HAUS6: variants seen among roughly 807,000 people sequenced by gnomAD.
HAUS6 encodes the protein HAUS augmin like complex subunit 6, also known as HAUS augmin-like complex subunit 6.
A neutral mutation model predicts 106.8 loss-of-function variants in HAUS6; 80 were observed. That is an observed-to-expected ratio of 0.75 (90% CI 0.63 to 0.90). The LOEUF is 0.90. HAUS6 is among the 40% of genes least tolerant of loss of function. The probability of loss-of-function intolerance (pLI) is 0.00; values close to 1 mark genes in which losing one functional copy is unlikely to be tolerated. For synonymous variants in HAUS6, 356 were observed against 379.1 expected (o/e 0.94, Z 0.71); for missense variants, 1,155 against 1,118.1 (o/e 1.03, Z -0.47).
intron 8 of HAUS6, among the ~76,000 whole-genome samples, chr9:19,081,296 G>C (rs954414640): frequency 6.6e-6 from 1 of 152,154 alleles, no homozygotes; most frequent in Non-Finnish European, 1.5e-5. Flanking sequence ...AGCAGGTTTA[G>C]TGAAAAGACC....
At chr9:19,096,807 A>C in intron 1 of HAUS6, 38 bp from the exon 2 acceptor site, 3 of 947,952 alleles carry the variant, frequency 3.2e-6, no homozygotes, top group Non-Finnish European at 4.9e-6. Flanking sequence ...GAAAAAGAAA[A>C]AGGTTAATAA....
chr9:19,066,207 A>T (rs985435122), intron 12 of HAUS6, among the ~76,000 whole-genome samples: 12 of 152,146 alleles, frequency 7.9e-5, no homozygotes, highest in African/African-American at 2.9e-4. Context: ...AAGTGCTGGG[A>T]TTACAGGCAT....
intron 11 of HAUS6, among the ~76,000 whole-genome samples, chr9:19,070,606 T>C (rs751249184): frequency 6.6e-6 from 1 of 152,200 alleles, no homozygotes; most frequent in Non-Finnish European, 1.5e-5. Context: ...CATGAGATTA[T>C]CACAAAAGCC....
intron 7 of HAUS6, among the ~76,000 whole-genome samples, chr9:19,083,816 A>C (rs1295520215): frequency 9.1e-6 from 1 of 110,246 alleles, no homozygotes; most frequent in Non-Finnish European, 1.9e-5. Flanking sequence ...AAAAAAAAAA[A>C]ATTTTTTTTC....
rs751300721 is a variant in HAUS6, at chr9:19,096,697, C to G, written c.201G>C (p.Gln67His). ...ISYFLFQVLD[Q>H]SLTKEVFKFC... ...ACTTGAAAACTTCTTTGGTGAGAGA[C>G]TGGTCCAGAACTTGAAACAAAAAAT... The change falls in exon 2 of 17, where the codon CAG becomes CAC. Residue 67 changes from glutamine to histidine, a missense_variant. By Grantham distance (24) the Gln-to-His change is conservative. Transcript: ENST00000380502. The G allele has an allele frequency of 1.3e-6, 2 of 1,504,196 alleles. No homozygotes were observed. Among genetic ancestry groups the G allele is most frequent in the Non-Finnish European group, 1.8e-6 (2 of 1,105,860 alleles). 93.2% of individuals were successfully genotyped at this position (1,504,196 alleles called of 1,614,324 possible).
At chr9:19,083,219 T>C (rs1422725331) in intron 7 of HAUS6, among the ~76,000 whole-genome samples, 176 bp from the exon 8 acceptor site, 1 of 152,106 alleles carries the variant, frequency 6.6e-6, no homozygotes, top group African/African-American at 2.4e-5. Flanking sequence ...CAAAGGGAAT[T>C]TTTAAAAAAA....
At position 19,100,146 on chromosome 9, in the gene HAUS6, A is replaced by T. The variant is rs189349238; in HGVS notation, c.128+2378T>A. Reference sequence around the variant, plus strand: ...GAGGCGGGGGTTGCAGTGAGTCCAGATCGCACCACTGCACTCCCGCCTGGG... The same window carrying T: ...GAGGCGGGGGTTGCAGTGAGTCCAGTTCGCACCACTGCACTCCCGCCTGGG... On this transcript the variant is annotated intron_variant, in intron 1 of 16. Coordinates refer to ENST00000380502, the MANE Select transcript of HAUS6 (RefSeq NM_017645.5). Among the ~76,000 whole-genome samples, 7 of 152,252 alleles carry T rather than the reference A, an allele frequency of 4.6e-5. No individual in the cohort carries two copies. The East Asian group carries it at 1.4e-3, about 29-fold the overall frequency.
At chr9:19,101,560 T>C (rs529188067) in intron 1 of HAUS6, among the ~76,000 whole-genome samples, 108 of 152,170 alleles carry the variant, frequency 7.1e-4, no homozygotes, top group African/African-American at 2.6e-3. Flanking sequence ...GAGGATTGCT[T>C]GAGCCCAGGA....
At chr9:19,067,368 A>T (rs1267742301) in intron 12 of HAUS6, among the ~76,000 whole-genome samples, 3 of 152,206 alleles carry the variant, frequency 2.0e-5, no homozygotes, top group Non-Finnish European at 4.4e-5. Flanking sequence ...TCCACGTCCC[A>T]GAAACTTAGC....
chr9:19,086,437 AT>A (rs2131141365), intron 7 of HAUS6, among the ~76,000 whole-genome samples: 2 of 152,270 alleles, frequency 1.3e-5, no homozygotes, highest in South Asian at 4.1e-4. Context: ...CCTGGCCAAC[AT>A]GGTGAAACTC....
At chr9:19,070,939 T>C (rs1199241815) in intron 11 of HAUS6, among the ~76,000 whole-genome samples, 2 of 152,176 alleles carry the variant, frequency 1.3e-5, no homozygotes, top group African/African-American at 2.4e-5. Context: ...GAGGTACAAG[T>C]TGCTATGATG....
chr9:19,089,518 G>A lies in HAUS6; in HGVS notation c.478C>T (p.Gln160Ter), dbSNP rs146258400. Residue 160 changes from glutamine (Q) to a stop codon, truncating the protein, a stop_gained, in exon 5 of 17, where the codon CAG (glutamine) becomes TAG (stop). Coordinates refer to ENST00000380502, the MANE Select transcript of HAUS6 (RefSeq NM_017645.5). LOFTEE classifies it high-confidence loss of function. ...HFVETFNIKPQDLHKCIARCH... is the reference protein window; with the variant it reads ...HFVETFNIKP ...CTGGCAATGCATTTGTGCAAGTCCT[G>A]TGGTTTTATGTTAAATGTCTCTACA... 6.2e-7 allele frequency: 1 copy of A among 1,609,992 alleles called. No individual in the cohort carries two copies. The highest frequency in any genetic ancestry group is 1.3e-5 in the African/African-American group (1 of 74,852).
At chr9:19,064,741 G>C (rs7867882) in intron 12 of HAUS6, among the ~76,000 whole-genome samples, 1 of 152,276 alleles carries the variant, frequency 6.6e-6, no homozygotes, top group Non-Finnish European at 1.5e-5. Context: ...TGCACTCTTA[G>C]AGTCTTTGCC....
chr9:19,056,202 G>A lies in HAUS6; in HGVS notation c.*141C>T. Reference sequence around the variant, plus strand: ...TTCCTTACCTAAAAATATTAAAGAAGGCTAAAAGGCATTAGGAATTTTTTT... The same window carrying A: ...TTCCTTACCTAAAAATATTAAAGAAAGCTAAAAGGCATTAGGAATTTTTTT... On this transcript the variant is annotated 3_prime_UTR_variant, in exon 17 of 17. Coordinates refer to ENST00000380502, the MANE Select transcript of HAUS6 (RefSeq NM_017645.5). 1 of 541,976 alleles carries A rather than the reference G, an allele frequency of 1.8e-6. No homozygotes were observed. The highest frequency in any genetic ancestry group is 3.3e-6 in the Non-Finnish European group (1 of 301,950). The allele number at this position is 541,976 out of a possible 1,614,324, so 33.6% of individuals were successfully genotyped here. A position where few individuals can be genotyped will look rare whatever the true frequency, so the allele number is the denominator to read the frequency against.
intron 9 of HAUS6, 89 bp downstream of exon 9, chr9:19,080,390 A>C (rs1286956737): frequency 1.3e-6 from 1 of 779,268 alleles, no homozygotes. Flanking sequence ...TTGTTTGCCA[A>C]AGCTGAAGAG....
At chr9:19,082,795 G>T in intron 8 of HAUS6, 78 bp downstream of exon 8, 2 of 752,384 alleles carry the variant, frequency 2.7e-6, no homozygotes, top group Non-Finnish European at 4.0e-6. Context: ...AATTCTGAAA[G>T]CAGAAGAACA....
At chr9:19,100,801 A>T (rs898096946) in intron 1 of HAUS6, among the ~76,000 whole-genome samples, 3 of 152,218 alleles carry the variant, frequency 2.0e-5, no homozygotes, top group African/African-American at 7.2e-5. Context: ...CATGGATGGG[A>T]CTGGAGGTCA....
At chr9:19,056,935 T>C (rs189998660) in intron 16 of HAUS6, 1 of 152,910 alleles carries the variant, frequency 6.5e-6, no homozygotes, top group African/African-American at 2.4e-5. Context: ...ATAACTATTA[T>C]GGGCAAATCA....
chr9:19,065,423 G>A (rs1332381540), intron 12 of HAUS6, among the ~76,000 whole-genome samples: 1 of 152,048 alleles, frequency 6.6e-6, no homozygotes, highest in Non-Finnish European at 1.5e-5. Context: ...AAAATTGAGA[G>A]AAAATTCAAG....
Sources: gnomAD v4.1 joint callset for allele counts (sites outside exome capture counted in the v4.1 genomes callset) on GRCh38, gnomAD v4.1.1 for gene constraint, MANE v1.5 for transcripts, NCBI Gene and HGNC (gene_info 2026-07-23, HGNC 2026-07-21) for gene names.